The following THSD7A variants were observed in gnomAD, a reference collection of about 807,000 sequenced individuals.
THSD7A encodes thrombospondin type 1 domain containing 7A.
In THSD7A, 96 loss-of-function variants were observed where a neutral mutation model predicts 231.3. That is an observed-to-expected ratio of 0.41 (90% CI 0.35 to 0.49). The LOEUF (loss-of-function observed/expected upper bound fraction) is 0.49, where lower values mean the gene tolerates loss of function less well. THSD7A is among the 20% of genes least tolerant of loss of function. The probability of loss-of-function intolerance (pLI) is 0.05; values close to 1 mark genes in which losing one functional copy is unlikely to be tolerated. For synonymous variants in THSD7A, 940 were observed against 743.3 expected (o/e 1.26, Z -4.30); for missense variants, 2,290 against 2,070.2 (o/e 1.11, Z -2.06).
intron 2 of THSD7A, among the ~76,000 whole-genome samples, chr7:11,596,444 C>G (rs984635481): frequency 2.6e-5 from 4 of 152,092 alleles, no homozygotes; most frequent in African/African-American, 9.7e-5. Flanking sequence ...GTGGTCGTTT[C>G]CCCAGGGCCA....
intron 1 of THSD7A, among the ~76,000 whole-genome samples, chr7:11,725,558 T>C (rs1463439696): frequency 3.3e-5 from 5 of 152,008 alleles, no homozygotes; most frequent in African/African-American, 1.2e-4. Flanking sequence ...TAGGACCATA[T>C]AAAAACAGAA....
intron 1 of THSD7A, among the ~76,000 whole-genome samples, chr7:11,706,871 T>C (rs188836693): frequency 6.6e-6 from 1 of 150,634 alleles, no homozygotes; most frequent in Non-Finnish European, 1.5e-5. Flanking sequence ...CTTGTCATTA[T>C]CTGAACTCTG....
chr7:11,759,184 G>A (rs977277498), intron 1 of THSD7A, among the ~76,000 whole-genome samples: 3 of 151,924 alleles, frequency 2.0e-5, no homozygotes, highest in Non-Finnish European at 4.4e-5. Flanking sequence ...CAGTTGAAGC[G>A]GGCAAAAACA....
chr7:11,386,459 A>G (rs185172820), intron 23 of THSD7A, among the ~76,000 whole-genome samples: 46 of 152,232 alleles, frequency 3.0e-4, no homozygotes, highest in African/African-American at 1.1e-3. Context: ...GTGTTTCTCT[A>G]ATGACCAGTG....
intron 7 of THSD7A, among the ~76,000 whole-genome samples, chr7:11,480,090 C>T (rs1021618285): frequency 6.6e-6 from 1 of 152,088 alleles, no homozygotes; most frequent in Admixed American, 6.5e-5. Context: ...TGAATTAATG[C>T]CCTTATGATT....
At chr7:11,388,482 G>A (rs549009693) in intron 23 of THSD7A, among the ~76,000 whole-genome samples, 18 of 152,254 alleles carry the variant, frequency 1.2e-4, no homozygotes, top group Admixed American at 1.0e-3. Context: ...TTGTATAGAG[G>A]TGTTTATAGT....
rs1227041855 is a variant in THSD7A at position 11,769,153 on chromosome 7, ATT to A, written c.190+62602_190+62603del. On this transcript the variant is annotated intron_variant, in intron 1 of 27. Transcript: ENST00000423059. ...TATATATATATATATATATATATAT[ATT>A]TTTTTTTTTTTTTGGTATTTTTGTA... Among the ~76,000 whole-genome samples the A allele has an allele frequency of 1.0e-3, 29 of 27,644 alleles. 1 individual carries two copies. The highest frequency in any genetic ancestry group is 3.0e-3 in the East Asian group (4 of 1,344). The allele number at this position is 27,644 out of a possible 152,430, so 18.1% of individuals were successfully genotyped here. A position where few individuals can be genotyped will look rare whatever the true frequency, so the allele number is the denominator to read the frequency against.
chr7:11,769,153 A>ATATATATATTTTTTTTTTTTTTTTT, intron 1 of THSD7A, among the ~76,000 whole-genome samples: 2 of 27,648 alleles, frequency 7.2e-5, no homozygotes, highest in Non-Finnish European at 7.0e-5. Context: ...ATATATATAT[A>ATATATATATTTTTTTTTTTTTTTTT]TTTTTTTTTT....
chr7:11,462,182 T>C, intron 9 of THSD7A, 39 bp from the exon 10 acceptor site: 1 of 1,605,340 alleles, frequency 6.2e-7, no homozygotes, highest in Non-Finnish European at 8.5e-7. Flanking sequence ...TACTTTACAC[T>C]GATGAGATAA....
intron 7 of THSD7A, among the ~76,000 whole-genome samples, chr7:11,481,239 A>G (rs1786409790): frequency 6.6e-6 from 1 of 152,192 alleles, no homozygotes; most frequent in Non-Finnish European, 1.5e-5. Flanking sequence ...TAGGAGCAAC[A>G]TATTTTAAAA....
intron 2 of THSD7A, among the ~76,000 whole-genome samples, chr7:11,629,885 G>C (rs1016716912): frequency 3.3e-5 from 5 of 152,166 alleles, no homozygotes; most frequent in African/African-American, 1.2e-4. Context: ...AAGGCTTTTA[G>C]AGATTTATTT....
intron 1 of THSD7A, among the ~76,000 whole-genome samples, chr7:11,671,361 C>T (rs1479889606): frequency 2.0e-5 from 3 of 152,152 alleles, no homozygotes; most frequent in Non-Finnish European, 2.9e-5. Flanking sequence ...GAACTATAAA[C>T]TGCTTATTAG....
chr7:11,733,593 G>A (rs1027539471), intron 1 of THSD7A, among the ~76,000 whole-genome samples: 5 of 151,702 alleles, frequency 3.3e-5, no homozygotes, highest in Non-Finnish European at 5.9e-5. Flanking sequence ...AATGCACCCT[G>A]TGGTAGACAA....
chr7:11,627,868 C>T (rs1173786600), intron 2 of THSD7A, among the ~76,000 whole-genome samples: 2 of 151,774 alleles, frequency 1.3e-5, no homozygotes, highest in Admixed American at 6.6e-5. Context: ...TGTATGCGCT[C>T]CCCTTTAACT....
chr7:11,627,700 A>T (rs972746514), intron 2 of THSD7A, among the ~76,000 whole-genome samples: 7 of 152,152 alleles, frequency 4.6e-5, no homozygotes, highest in Admixed American at 3.3e-4. Flanking sequence ...TTCAATGGGA[A>T]TTTAACAAAA....
At chr7:11,789,036 G>C (rs373463878) in intron 1 of THSD7A, among the ~76,000 whole-genome samples, 1 of 151,928 alleles carries the variant, frequency 6.6e-6, no homozygotes, top group Admixed American at 6.6e-5. Context: ...TTCTGGATAA[G>C]AAGGCAATTA....
intron 1 of THSD7A, among the ~76,000 whole-genome samples, chr7:11,651,576 C>T (rs548787600): frequency 6.6e-6 from 1 of 151,796 alleles, no homozygotes; most frequent in African/African-American, 2.4e-5. Flanking sequence ...ATATAATATT[C>T]TGAAACTTAG....
At chr7:11,441,482 G>A (rs1340867929) in intron 13 of THSD7A, among the ~76,000 whole-genome samples, 1 of 151,952 alleles carries the variant, frequency 6.6e-6, no homozygotes, top group African/African-American at 2.4e-5. Context: ...CAGATATTCT[G>A]CCCTTTGTTT....
At chr7:11,644,744 T>G (rs1490638979) in intron 1 of THSD7A, among the ~76,000 whole-genome samples, 1 of 152,040 alleles carries the variant, frequency 6.6e-6, no homozygotes, top group Non-Finnish European at 1.5e-5. Context: ...TTTTAGGATC[T>G]ATTATACTAA....
Sources: allele counts gnomAD v4.1 joint callset (sites outside exome capture counted in the v4.1 genomes callset), GRCh38; gene constraint gnomAD v4.1.1; transcripts MANE v1.5; gene names NCBI Gene and HGNC (gene_info 2026-07-23, HGNC 2026-07-21).